PLPP3: variants seen among roughly 807,000 people sequenced by gnomAD.
The protein encoded by PLPP3 is PAP2 beta.
A neutral mutation model predicts 29.6 loss-of-function variants in PLPP3; 6 were observed. The observed-to-expected ratio is 0.20, with a 90% CI of 0.11 to 0.40. The LOEUF (loss-of-function observed/expected upper bound fraction) is 0.40. Ranked by LOEUF, PLPP3 falls within the 10% of genes least tolerant of loss-of-function variation. The probability of loss-of-function intolerance (pLI) is 1.00; values close to 1 mark genes in which losing one functional copy is unlikely to be tolerated. For synonymous variants in PLPP3, 152 were observed against 159.7 expected, an observed-to-expected ratio of 0.95 and a Z score of 0.36; for missense variants, 308 against 407.7, an observed-to-expected ratio of 0.76 and a Z score of 2.11.
chr1:56,524,014 G>A lies in PLPP3; in HGVS notation c.576-134C>T. On this transcript the variant is annotated intron_variant, in intron 3 of 5. Transcript: ENST00000371250. The surrounding 1 kb of genome is among the most constrained non-coding windows in gnomAD (Gnocchi z 4.3). ...CCTGTTCATTTTTGCATCCTTGGTA[G>A]TGCTTTGGACCCATGCCTGGAACAT... 9.2e-7 allele frequency: 1 copy of A among 1,090,732 alleles called. No homozygotes were observed. The highest frequency in any genetic ancestry group is 1.3e-6 in the Non-Finnish European group (1 of 747,836). 67.6% of individuals were successfully genotyped at this position (1,090,732 alleles called of 1,614,324 possible). A position where few individuals can be genotyped will look rare whatever the true frequency, so the allele number is the denominator to read the frequency against.
chr1:56,562,036 C>CAAAAAAAAAA (rs71048439), intron 1 of PLPP3, among the ~76,000 whole-genome samples: 1 of 50,956 alleles, frequency 2.0e-5, no homozygotes, highest in African/African-American at 8.5e-5. Context: ...CTCCGTTTCA[C>CAAAAAAAAAA]AAAAAAAAAA....
At position 56,512,063 on chromosome 1, in the gene PLPP3, C is replaced by T. The variant is rs771431079; in HGVS notation, c.723G>A (p.Thr241=). Residue 241 remains threonine, a synonymous_variant, in exon 5 of 6, where the codon ACG becomes ACA. Transcript: ENST00000371250. ...QFTLIMMAFY[T]GLSRVSDHKH... is the part of the protein sequence containing the mutation. ...TGTGGTCTGATACGCGAGACAGTCCCGTGTAGAAGGCCATCATGATCAAGG... is the reference window on the plus strand; with the variant it reads ...TGTGGTCTGATACGCGAGACAGTCCTGTGTAGAAGGCCATCATGATCAAGG... 3.7e-6 allele frequency: 6 copies of T among 1,613,600 alleles called. No homozygotes were observed. The highest frequency in any genetic ancestry group is 2.7e-5 in the African/African-American group (2 of 75,026).
At chr1:56,545,237 G>A (rs1294776328) in intron 1 of PLPP3, among the ~76,000 whole-genome samples, 5 of 152,190 alleles carry the variant, frequency 3.3e-5, no homozygotes, top group Admixed American at 6.5e-5. Flanking sequence ...CTTGCTGTAT[G>A]ACCTTAACTC....
At chr1:56,555,010 G>A (rs74353411) in intron 1 of PLPP3, among the ~76,000 whole-genome samples, 2,203 of 152,216 alleles carry the variant, frequency 0.014, 30 homozygotes, top group Non-Finnish European at 0.023. Context: ...TAGGAGCAAT[G>A]GGGTATATGT....
chr1:56,548,399 T>C (rs1419718394), intron 1 of PLPP3, among the ~76,000 whole-genome samples: 1 of 152,236 alleles, frequency 6.6e-6, no homozygotes, highest in Non-Finnish European at 1.5e-5. Flanking sequence ...TTGTAGTTGA[T>C]TTCCTCTCTC....
chr1:56,502,191 G>A (rs1023381502), intron 5 of PLPP3, among the ~76,000 whole-genome samples: 1 of 152,146 alleles, frequency 6.6e-6, no homozygotes, highest in Non-Finnish European at 1.5e-5. Flanking sequence ...ATTTTGTTAA[G>A]GGCAGATTAT....
At chr1:56,557,832 G>A (rs1017264849) in intron 1 of PLPP3, among the ~76,000 whole-genome samples, 2 of 152,078 alleles carry the variant, frequency 1.3e-5, no homozygotes, top group South Asian at 2.1e-4. Context: ...TTCCTCCATC[G>A]ATCTCATAGT....
At chr1:56,519,033 G>A (rs1645801247) in intron 4 of PLPP3, among the ~76,000 whole-genome samples, 1 of 151,838 alleles carries the variant, frequency 6.6e-6, no homozygotes, top group African/African-American at 2.4e-5. Flanking sequence ...GCAGATTTCG[G>A]GGTGGGGTGC....
At chr1:56,505,578 C>A (rs1256010083) in intron 5 of PLPP3, among the ~76,000 whole-genome samples, 6 of 152,204 alleles carry the variant, frequency 3.9e-5, no homozygotes, top group African/African-American at 1.2e-4. Context: ...ATGGAAACAA[C>A]CAGCATGAAG....
intron 1 of PLPP3, among the ~76,000 whole-genome samples, chr1:56,563,708 A>G (rs767897517): frequency 1.3e-4 from 20 of 152,212 alleles, no homozygotes; most frequent in Admixed American, 1.2e-3. Flanking sequence ...TCACCAACCC[A>G]TCAATGAGGA....
At chr1:56,507,664 C>T (rs1037456024) in intron 5 of PLPP3, among the ~76,000 whole-genome samples, 2 of 152,178 alleles carry the variant, frequency 1.3e-5, no homozygotes, top group Non-Finnish European at 2.9e-5. Flanking sequence ...CCCAAAGATG[C>T]CCGCATCCTA....
intron 2 of PLPP3, among the ~76,000 whole-genome samples, chr1:56,533,965 G>C (rs1645907487): frequency 6.6e-6 from 1 of 152,164 alleles, no homozygotes; most frequent in Admixed American, 6.5e-5. Context: ...GAGAGAAGGA[G>C]ATTCATCCGT....
At position 56,560,865 on chromosome 1, in the gene PLPP3, TC is replaced by T. The variant is rs374488962; in HGVS notation, c.139+18012del. On this transcript the variant is annotated intron_variant, in intron 1 of 5. Coordinates refer to ENST00000371250, the MANE Select transcript of PLPP3 (RefSeq NM_003713.5). ...TTTTTTTTTTTTTTTTGAGACAGAGTCCTCCTCTGTCGCCCAGGCTGGAGTG... is the reference window on the plus strand; with the variant it reads ...TTTTTTTTTTTTTTTTGAGACAGAGTCTCCTCTGTCGCCCAGGCTGGAGTG... Among the ~76,000 whole-genome samples the T allele has an allele frequency of 6.1e-3, 765 of 126,304 alleles. 8 individuals are homozygous for T. The highest frequency in any genetic ancestry group is 0.021 in the African/African-American group (731 of 34,212). The allele number at this position is 126,304 out of a possible 152,430, so 82.9% of individuals were successfully genotyped here. A position where few individuals can be genotyped will look rare whatever the true frequency, so the allele number is the denominator to read the frequency against.
At chr1:56,554,432 C>T (rs755220732) in intron 1 of PLPP3, among the ~76,000 whole-genome samples, 40 of 151,842 alleles carry the variant, frequency 2.6e-4, no homozygotes, top group Admixed American at 6.6e-4. Context: ...ATGAGCCGGG[C>T]GTGTTGGCGG....
At chr1:56,538,718 T>C in intron 1 of PLPP3, 1 of 242,346 alleles carries the variant, frequency 4.1e-6, no homozygotes, top group East Asian at 1.1e-4. Context: ...GCCAAGAGAA[T>C]TAATGTGCAT....
intron 2 of PLPP3, among the ~76,000 whole-genome samples, chr1:56,531,357 T>A (rs1035001681): frequency 1.3e-5 from 2 of 152,214 alleles, no homozygotes; most frequent in African/African-American, 4.8e-5. Flanking sequence ...AGACTTGTAC[T>A]TGTCTTGAAT....
chr1:56,551,082 C>T (rs1435762843), intron 1 of PLPP3, among the ~76,000 whole-genome samples: 2 of 152,180 alleles, frequency 1.3e-5, no homozygotes, highest in Non-Finnish European at 2.9e-5. Flanking sequence ...ATGTTGTACT[C>T]TGTCGTGGGT....
intron 4 of PLPP3, among the ~76,000 whole-genome samples, chr1:56,514,702 A>G (rs1044351167): frequency 6.6e-6 from 1 of 152,198 alleles, no homozygotes. Flanking sequence ...TTCAGAGAAC[A>G]TCTACCTATT....
chr1:56,539,908 A>T (rs898026797), intron 1 of PLPP3, among the ~76,000 whole-genome samples: 7 of 152,202 alleles, frequency 4.6e-5, no homozygotes. Flanking sequence ...TCTGGTGCCT[A>T]GGAGCCAAAG....
Sources: gnomAD v4.1 joint callset for allele counts (sites outside exome capture counted in the v4.1 genomes callset) on GRCh38, gnomAD v4.1.1 for gene constraint, Gnocchi (gnomAD v3.1) non-coding constraint, MANE v1.5 for transcripts, NCBI Gene and HGNC (gene_info 2026-07-23, HGNC 2026-07-21) for gene names.